The following MPHOSPH8 variants were observed in gnomAD, a reference collection of about 807,000 sequenced individuals.
MPHOSPH8 encodes M-phase phosphoprotein, mpp.
In MPHOSPH8, 45 loss-of-function variants were observed where a neutral mutation model predicts 87.3. That is an observed-to-expected ratio of 0.52 (90% CI 0.41 to 0.66). MPHOSPH8 has a LOEUF of 0.66. Ranked by LOEUF, MPHOSPH8 falls within the 30% of genes least tolerant of loss-of-function variation. MPHOSPH8 has a pLI of 0.00. For synonymous variants in MPHOSPH8, 366 were observed against 376.9 expected, an observed-to-expected ratio of 0.97 and a Z score of 0.33; for missense variants, 883 against 1,020.2, an observed-to-expected ratio of 0.87 and a Z score of 1.83.
At chr13:19,667,727 T>G (rs1875892996) in intron 10 of MPHOSPH8, among the ~76,000 whole-genome samples, 1 of 152,248 alleles carries the variant, frequency 6.6e-6, no homozygotes, top group Non-Finnish European at 1.5e-5. Context: ...TTGTCAAGAT[T>G]TACTAGTTTA....
rs10531847 is a variant in MPHOSPH8, at chr13:19,673,098, G to GT, written c.*1235dup. 10,648 of 404,020 alleles carry GT rather than the reference G, an allele frequency of 0.026. 57 individuals are homozygous for GT. Among genetic ancestry groups the GT allele is most frequent in the Non-Finnish European group, 0.031 (6,338 of 205,470 alleles). 25.0% of individuals were successfully genotyped at this position (404,020 alleles called of 1,614,324 possible). ...CTTGGAACCTATACGGTTTTTTTTT[G>GT]TTTTTTTTTTTTGAAAAGCCAGACC... On this transcript the variant is annotated 3_prime_UTR_variant, in exon 14 of 14. Transcript: ENST00000361479.
At chr13:19,671,582 C>T (rs534883791) in intron 13 of MPHOSPH8, among the ~76,000 whole-genome samples, 3 of 152,234 alleles carry the variant, frequency 2.0e-5, no homozygotes, top group Admixed American at 1.3e-4. Context: ...GTCTTTAGGC[C>T]GGTCCCTAAC....
At chr13:19,669,517 T>C (rs1414912458) in intron 11 of MPHOSPH8, among the ~76,000 whole-genome samples, 1 of 149,348 alleles carries the variant, frequency 6.7e-6, no homozygotes, top group African/African-American at 2.5e-5. Flanking sequence ...CACCAACTTT[T>C]TTTTTTTTTT....
intron 3 of MPHOSPH8, among the ~76,000 whole-genome samples, chr13:19,648,205 A>T (rs1951585835): frequency 6.6e-6 from 1 of 150,628 alleles, no homozygotes; most frequent in South Asian, 2.1e-4. Flanking sequence ...TGGAAAACTG[A>T]TGTTGGGTTT....
intron 5 of MPHOSPH8, among the ~76,000 whole-genome samples, chr13:19,655,575 G>A (rs1439453898): frequency 6.6e-6 from 1 of 152,010 alleles, no homozygotes; most frequent in African/African-American, 2.4e-5. Flanking sequence ...TATAGAGATG[G>A]GTTTCACCAT....
intron 8 of MPHOSPH8, among the ~76,000 whole-genome samples, chr13:19,662,612 G>A (rs976701241): frequency 2.6e-5 from 4 of 152,110 alleles, no homozygotes; most frequent in African/African-American, 9.7e-5. Flanking sequence ...GTAGTACATT[G>A]TAATCACATT....
chr13:19,649,681 A>G (rs1688538297), intron 4 of MPHOSPH8, among the ~76,000 whole-genome samples: 2 of 152,202 alleles, frequency 1.3e-5, no homozygotes, highest in African/African-American at 4.8e-5. Context: ...GCTGTGGGAA[A>G]GGTGCTGGTG....
chr13:19,656,370 G>C (rs1049043411), intron 5 of MPHOSPH8, among the ~76,000 whole-genome samples: 4 of 150,804 alleles, frequency 2.7e-5, no homozygotes, highest in Non-Finnish European at 4.4e-5. Context: ...TAAAAATGTA[G>C]CAAGGTGACT....
intron 2 of MPHOSPH8, 49 bp from the exon 3 acceptor site, chr13:19,646,394 T>C (rs1289169531): frequency 7.5e-7 from 1 of 1,326,106 alleles, no homozygotes; most frequent in South Asian, 2.3e-5. Flanking sequence ...TTCAAAACCT[T>C]TAAAATCAAT....
intron 5 of MPHOSPH8, among the ~76,000 whole-genome samples, chr13:19,655,860 T>A (rs1875132096): frequency 6.6e-6 from 1 of 152,152 alleles, no homozygotes; most frequent in Non-Finnish European, 1.5e-5. Flanking sequence ...CTCCCACCTA[T>A]AATCCCAGTG....
intron 1 of MPHOSPH8, among the ~76,000 whole-genome samples, chr13:19,640,088 C>T (rs1874208855): frequency 6.7e-6 from 1 of 149,708 alleles, no homozygotes; most frequent in Admixed American, 6.6e-5. Flanking sequence ...CCTGGGCGAC[C>T]CTGTCTTAAA....
intron 1 of MPHOSPH8, among the ~76,000 whole-genome samples, chr13:19,641,494 T>C (rs1593468333): frequency 7.1e-6 from 1 of 141,372 alleles, no homozygotes; most frequent in East Asian, 2.0e-4. Context: ...TTTTTTTTTT[T>C]TTTTTTTTTT....
At chr13:19,635,917 G>A (rs980666902) in intron 1 of MPHOSPH8, among the ~76,000 whole-genome samples, 1 of 152,194 alleles carries the variant, frequency 6.6e-6, no homozygotes, top group African/African-American at 2.4e-5. Flanking sequence ...ACGATAGTGA[G>A]TGAGTCTCAA....
chr13:19,664,860 G>A (rs1875729466), intron 9 of MPHOSPH8, among the ~76,000 whole-genome samples: 1 of 152,124 alleles, frequency 6.6e-6, no homozygotes, highest in African/African-American at 2.4e-5. Context: ...GTCCAGCTCT[G>A]CAACAGTGAC....
intron 1 of MPHOSPH8, among the ~76,000 whole-genome samples, chr13:19,637,516 G>A (rs371647943): frequency 1.2e-4 from 18 of 152,104 alleles, no homozygotes; most frequent in African/African-American, 4.3e-4. Context: ...CACAAACAAG[G>A]ATCATTTTTG....
At chr13:19,645,866 G>T (rs1221827258) in intron 2 of MPHOSPH8, among the ~76,000 whole-genome samples, 1 of 152,000 alleles carries the variant, frequency 6.6e-6, no homozygotes, top group South Asian at 2.1e-4. Context: ...GTGTTTATAC[G>T]AGTACTTTAT....
At chr13:19,667,604 C>T (rs1487314136) in intron 10 of MPHOSPH8, among the ~76,000 whole-genome samples, 1 of 151,862 alleles carries the variant, frequency 6.6e-6, no homozygotes, top group African/African-American at 2.4e-5. Context: ...TGGAATCACA[C>T]ATTATTTGGT....
At chr13:19,639,217 G>C (rs927905261) in intron 1 of MPHOSPH8, among the ~76,000 whole-genome samples, 5 of 152,186 alleles carry the variant, frequency 3.3e-5, no homozygotes, top group African/African-American at 9.6e-5. Flanking sequence ...CTGGAGGTCT[G>C]GTTGGCGCTG....
chr13:19,672,972 C>G lies in MPHOSPH8; in HGVS notation c.*1097C>G, dbSNP rs1876220658. ...TCAGGAGGCTGAGGTGAAAGGATTG[C>G]TTGAGCCAGGGAGGTCAAGGCTGCA... On this transcript the variant is annotated 3_prime_UTR_variant, in exon 14 of 14. Coordinates refer to ENST00000361479, the MANE Select transcript of MPHOSPH8 (RefSeq NM_017520.4). 2.5e-6 allele frequency: 1 copy of G among 404,502 alleles called. No individual in the cohort carries two copies. The highest frequency in any genetic ancestry group is 4.8e-6 in the Non-Finnish European group (1 of 209,342). The allele number at this position is 404,502 out of a possible 1,614,324, so 25.1% of individuals were successfully genotyped here. A position where few individuals can be genotyped will look rare whatever the true frequency, so the allele number is the denominator to read the frequency against.
Sources: gnomAD v4.1 joint callset for allele counts (sites outside exome capture counted in the v4.1 genomes callset) on GRCh38, gnomAD v4.1.1 for gene constraint, MANE v1.5 for transcripts, NCBI Gene and HGNC (gene_info 2026-07-23, HGNC 2026-07-21) for gene names.